Variants in CA8 observed in about 807,000 individuals in gnomAD.
The protein encoded by CA8 is carbonic anhydrase-related protein.
A neutral mutation model predicts 41.4 loss-of-function variants in CA8; 22 were observed. The ratio of observed to expected loss-of-function variants is 0.53; its 90% CI spans 0.38 to 0.76. The LOEUF is 0.76. CA8 is among the 30% of genes least tolerant of loss of function. CA8 has a pLI of 0.00. For synonymous variants in CA8, 121 were observed against 130.6 expected, an observed-to-expected ratio of 0.93 and a Z score of 0.50; for missense variants, 270 against 352.8, an observed-to-expected ratio of 0.77 and a Z score of 1.88.
intron 2 of CA8, among the ~76,000 whole-genome samples, chr8:60,277,300 G>A (rs1283773921): frequency 2.0e-5 from 3 of 151,908 alleles, no homozygotes; most frequent in Non-Finnish European, 4.4e-5. Flanking sequence ...CCGTAGGTGG[G>A]GAAGAGCAGG....
chr8:60,266,273 C>CT (rs1803899343), intron 2 of CA8, among the ~76,000 whole-genome samples: 1 of 152,174 alleles, frequency 6.6e-6, no homozygotes, highest in Admixed American at 6.5e-5. Flanking sequence ...TTCAAAACCT[C>CT]TGAAAAACTC....
intron 8 of CA8, among the ~76,000 whole-genome samples, chr8:60,206,907 G>A (rs933999413): frequency 9.3e-5 from 14 of 151,100 alleles, no homozygotes; most frequent in Non-Finnish European, 1.9e-4. Flanking sequence ...CCACACCCCA[G>A]CATATAGACA....
chr8:60,221,587 C>T (rs988629060), intron 7 of CA8, among the ~76,000 whole-genome samples: 2 of 152,102 alleles, frequency 1.3e-5, no homozygotes, highest in Non-Finnish European at 2.9e-5. Flanking sequence ...ATGTGGAGAA[C>T]AGTCTCTTAT....
chr8:60,215,237 C>T (rs974420816), intron 7 of CA8, among the ~76,000 whole-genome samples: 1 of 152,150 alleles, frequency 6.6e-6, no homozygotes, highest in African/African-American at 2.4e-5. Context: ...CATTTCTAAA[C>T]ACGACAATCC....
intron 3 of CA8, 90 bp from the exon 4 acceptor site, chr8:60,232,469 A>G: frequency 4.5e-6 from 4 of 893,178 alleles, no homozygotes; most frequent in South Asian, 3.9e-5. Flanking sequence ...TACTATTTCT[A>G]TATGGTATCA....
rs150039914 is a variant in CA8, at chr8:60,217,377, C to T, written c.738+5272G>A. Among the ~76,000 whole-genome samples, 12 of 152,236 alleles carry T rather than the reference C, an allele frequency of 7.9e-5. No homozygotes were observed. The East Asian group carries it at 1.7e-3, about 22-fold the overall frequency. ...GAATGTGTGTGCAGAATCTGACACTCGTAATCTCTCCACTCCTTCTTGAAA... is the reference window on the plus strand; with the variant it reads ...GAATGTGTGTGCAGAATCTGACACTTGTAATCTCTCCACTCCTTCTTGAAA... On this transcript the variant is annotated intron_variant, in intron 7 of 8. Transcript: ENST00000317995.
chr8:60,227,920 C>A (rs927259070), intron 4 of CA8, among the ~76,000 whole-genome samples: 2 of 152,144 alleles, frequency 1.3e-5, no homozygotes, highest in African/African-American at 4.8e-5. Context: ...TGAAATCTGA[C>A]CAATTTCCAG....
chr8:60,229,802 T>A (rs1807576638), intron 4 of CA8, among the ~76,000 whole-genome samples: 1 of 152,174 alleles, frequency 6.6e-6, no homozygotes, highest in African/African-American at 2.4e-5. Context: ...TTCCCCCTCC[T>A]GCCTAGACAT....
rs1554573983 is a variant in CA8 at position 60,192,975 on chromosome 8, A to ACACACACACC, written c.*36-2991_*36-2990insGGTGTGTGTG. 8.7e-5 allele frequency among the ~76,000 whole-genome samples: 12 copies of ACACACACACC among 137,476 alleles called. No homozygotes were observed. In the East Asian group the frequency reaches 1.4e-3, roughly 17 times the overall value. The allele number at this position is 137,476 out of a possible 152,430, so 90.2% of individuals were successfully genotyped here. On this transcript the variant is annotated intron_variant, in intron 8 of 8. Coordinates refer to ENST00000317995, the MANE Select transcript of CA8 (RefSeq NM_004056.6). The stretch of plus-strand genomic sequence containing the variant: ...CACACACACACACACACACACACAC[A>ACACACACACC]CCCCACCCCATATGAACCCTTCCCA...
chr8:60,246,215 T>C (rs554974848), intron 3 of CA8, among the ~76,000 whole-genome samples: 1 of 152,298 alleles, frequency 6.6e-6, no homozygotes, highest in South Asian at 2.1e-4. Context: ...CAAAAACCTA[T>C]GTAAATTCAA....
chr8:60,277,153 T>TCGTCTTCA (rs1563387875), intron 2 of CA8, among the ~76,000 whole-genome samples: 1 of 142,564 alleles, frequency 7.0e-6, no homozygotes, highest in Non-Finnish European at 1.5e-5. Context: ...AAAATTGGCC[T>TCGTCTTCA]CGTCTTCAAT....
intron 2 of CA8, among the ~76,000 whole-genome samples, chr8:60,274,475 AC>A (rs1413932688): frequency 6.6e-6 from 1 of 152,206 alleles, no homozygotes; most frequent in Non-Finnish European, 1.5e-5. Flanking sequence ...CTACCGCAGA[AC>A]CCAGATGCTA....
At chr8:60,234,551 T>TA in intron 3 of CA8, among the ~76,000 whole-genome samples, 1 of 152,334 alleles carries the variant, frequency 6.6e-6, no homozygotes, top group Non-Finnish European at 1.5e-5. Flanking sequence ...TAAACTGTTC[T>TA]AAAAAATATT....
chr8:60,234,275 T>C (rs7465501), intron 3 of CA8, among the ~76,000 whole-genome samples: 74,962 of 151,968 alleles, frequency 0.49, 18,709 homozygotes, highest in African/African-American at 0.54. Context: ...CTGAGAAAAA[T>C]GTCACAGCCA....
chr8:60,191,333 T>A (rs543030687), intron 8 of CA8, among the ~76,000 whole-genome samples: 1 of 152,118 alleles, frequency 6.6e-6, no homozygotes, highest in East Asian at 1.9e-4. Flanking sequence ...AAATTGATTA[T>A]CAAACTGTAA....
At chr8:60,236,017 G>T (rs1807819235) in intron 3 of CA8, among the ~76,000 whole-genome samples, 1 of 152,140 alleles carries the variant, frequency 6.6e-6, no homozygotes, top group East Asian at 1.9e-4. Context: ...AGGAGTGCAG[G>T]ACAGTTAATT....
chr8:60,206,902 C>T (rs1175994322), intron 8 of CA8, among the ~76,000 whole-genome samples: 2 of 152,012 alleles, frequency 1.3e-5, no homozygotes, highest in Non-Finnish European at 2.9e-5. Flanking sequence ...CTTTCCCACA[C>T]CCCAGCATAT....
intron 2 of CA8, among the ~76,000 whole-genome samples, chr8:60,274,470 G>C (rs889436688): frequency 6.6e-6 from 1 of 152,190 alleles, no homozygotes; most frequent in Non-Finnish European, 1.5e-5. Context: ...AATTCCTACC[G>C]CAGAACCCAG....
chr8:60,210,246 C>T (rs750568479), intron 7 of CA8, among the ~76,000 whole-genome samples: 2 of 152,128 alleles, frequency 1.3e-5, no homozygotes, highest in Admixed American at 1.3e-4. Context: ...ATTGAGCAAA[C>T]GTGATTTGGG....
Sources: gnomAD v4.1 joint callset for allele counts (sites outside exome capture counted in the v4.1 genomes callset) on GRCh38, gnomAD v4.1.1 for gene constraint, MANE v1.5 for transcripts, NCBI Gene and HGNC (gene_info 2026-07-23, HGNC 2026-07-21) for gene names.